Variants in CHST11 observed in about 807,000 individuals in gnomAD.
The protein encoded by CHST11 is carbohydrate sulfotransferase 11.
A neutral mutation model predicts 30.4 loss-of-function variants in CHST11; 9 were observed. The observed-to-expected ratio is 0.30, with a 90% CI of 0.18 to 0.52. The LOEUF is 0.52. Ranked by LOEUF, CHST11 falls within the 20% of genes least tolerant of loss-of-function variation. CHST11 has a pLI of 0.97. For missense variants in CHST11, 348 were observed against 460.6 expected (o/e 0.76, Z 2.24); for synonymous variants, 152 against 187.8 (o/e 0.81, Z 1.56).
At chr12:104,674,181 G>T (rs979077528) in intron 2 of CHST11, among the ~76,000 whole-genome samples, 7 of 152,190 alleles carry the variant, frequency 4.6e-5, no homozygotes, top group Admixed American at 1.3e-4. Context: ...TAGCTGTTCT[G>T]CTAGTAAAAG....
At chr12:104,538,973 C>T (rs1339825123) in intron 1 of CHST11, among the ~76,000 whole-genome samples, 3 of 152,230 alleles carry the variant, frequency 2.0e-5, no homozygotes, top group Non-Finnish European at 2.9e-5. Context: ...AAAGCAGTCA[C>T]ACTTATTATC....
chr12:104,719,557 A>G (rs943304786), intron 2 of CHST11, among the ~76,000 whole-genome samples: 5 of 152,248 alleles, frequency 3.3e-5, no homozygotes, highest in Non-Finnish European at 5.9e-5. Context: ...CAGACACAGC[A>G]TAACTATCTA....
At position 104,757,775 on chromosome 12, in the gene CHST11, C is replaced by T; in HGVS notation, c.1031C>T (p.Ser344Leu). The T allele has an allele frequency of 6.2e-7, 1 of 1,612,776 alleles. No homozygotes were observed. Among genetic ancestry groups the T allele is most frequent in the Non-Finnish European group, 8.5e-7 (1 of 1,178,844 alleles). The change falls in exon 3 of 3, where the codon TCA becomes TTA. Residue 344 changes from serine (S) to leucine (L), a missense_variant. Ser to Leu is a moderately radical substitution (Grantham distance 145). This residue lies in a region of CHST11 where 210 missense variants were observed against 287.2 expected (regional missense o/e 0.73). Coordinates refer to ENST00000303694, the MANE Select transcript of CHST11 (RefSeq NM_018413.6). This position sits in a 1 kb window ranked among gnomAD's most constrained non-coding sequence, Gnocchi z 6.5. ...YKLDFLMFNYSVPSYLKLE is the reference protein window; with the variant it reads ...YKLDFLMFNYLVPSYLKLE ...CTCGATTTTTTAATGTTCAATTACT[C>T]AGTGCCAAGCTACCTGAAATTGGAA...
intron 1 of CHST11, among the ~76,000 whole-genome samples, chr12:104,497,877 CCCTGCATGTGCTGAGTATCTT>C (rs2037815098): frequency 6.6e-6 from 1 of 150,874 alleles, no homozygotes; most frequent in Admixed American, 6.6e-5. Context: ...TCCCGCTCCA[CCCTGCATGTGCTGAGTATCTT>C]CCTGCCCCCT....
chr12:104,608,094 G>A (rs530319254), intron 2 of CHST11, among the ~76,000 whole-genome samples: 13 of 152,220 alleles, frequency 8.5e-5, no homozygotes, highest in African/African-American at 2.4e-4. Context: ...CTGGGTTAGG[G>A]CTGGGGTGTT....
intron 1 of CHST11, among the ~76,000 whole-genome samples, chr12:104,583,026 T>A (rs2038762449): frequency 6.6e-6 from 1 of 152,042 alleles, no homozygotes; most frequent in Non-Finnish European, 1.5e-5. Context: ...TTAATTTGCC[T>A]GCACAAATAG....
Position 104,757,979 on chromosome 12 carries a change from G to C in CHST11, c.*176G>C. ...GTAGGGAAGGACAGCTGTCTTTGCA[G>C]GGGAAATAGGATGGGTCGTCCTTGT... On this transcript the variant is annotated 3_prime_UTR_variant, in exon 3 of 3. Coordinates refer to ENST00000303694, the MANE Select transcript of CHST11 (RefSeq NM_018413.6). This position sits in a 1 kb window ranked among gnomAD's most constrained non-coding sequence, Gnocchi z 6.5. 1 of 687,226 alleles carries C rather than the reference G, an allele frequency of 1.5e-6. No homozygotes were observed. Among genetic ancestry groups the C allele is most frequent in the Non-Finnish European group, 2.3e-6 (1 of 427,012 alleles). 42.6% of individuals were successfully genotyped at this position (687,226 alleles called of 1,614,324 possible). A position where few individuals can be genotyped will look rare whatever the true frequency, so the allele number is the denominator to read the frequency against.
chr12:104,709,392 G>C (rs770134246), intron 2 of CHST11, among the ~76,000 whole-genome samples: 3 of 152,222 alleles, frequency 2.0e-5, no homozygotes, highest in African/African-American at 7.2e-5. Context: ...AAAGGCAGAC[G>C]TGGCCCTCAC....
At chr12:104,464,345 G>A (rs558864532) in intron 1 of CHST11, among the ~76,000 whole-genome samples, 2 of 152,250 alleles carry the variant, frequency 1.3e-5, no homozygotes, top group Admixed American at 6.5e-5. Context: ...TGGTAGAGGT[G>A]TGAGTCACTG....
At chr12:104,485,612 C>T (rs1449858294) in intron 1 of CHST11, among the ~76,000 whole-genome samples, 1 of 152,200 alleles carries the variant, frequency 6.6e-6, no homozygotes, top group African/African-American at 2.4e-5. Context: ...CAGAAACAAT[C>T]GGTTTAGACT....
chr12:104,514,709 A>G (rs1441683928), intron 1 of CHST11, among the ~76,000 whole-genome samples: 1 of 152,016 alleles, frequency 6.6e-6, no homozygotes, highest in African/African-American at 2.4e-5. Flanking sequence ...GAGGGGAGGA[A>G]GGTACCAGGC....
intron 2 of CHST11, among the ~76,000 whole-genome samples, chr12:104,634,212 A>G (rs898597981): frequency 2.0e-5 from 3 of 152,126 alleles, no homozygotes; most frequent in Non-Finnish European, 4.4e-5. Flanking sequence ...ACAGGGCCAT[A>G]TCTGTCTCGT....
intron 1 of CHST11, among the ~76,000 whole-genome samples, chr12:104,561,907 C>G (rs886067924): frequency 1.3e-5 from 2 of 151,790 alleles, no homozygotes; most frequent in African/African-American, 4.8e-5. Context: ...TCTCCTGCCT[C>G]AGCCTCCGGA....
chr12:104,722,326 T>C (rs1010899161), intron 2 of CHST11, among the ~76,000 whole-genome samples: 1 of 152,154 alleles, frequency 6.6e-6, no homozygotes. Context: ...TTTAACTTCA[T>C]CAGAGGTAAA....
intron 1 of CHST11, among the ~76,000 whole-genome samples, chr12:104,571,637 A>G (rs1396001248): frequency 1.3e-5 from 2 of 152,140 alleles, no homozygotes; most frequent in African/African-American, 4.8e-5. Context: ...CTGATGATGA[A>G]GTTTGTCTGA....
chr12:104,492,825 A>G (rs181849853), intron 1 of CHST11, among the ~76,000 whole-genome samples: 18 of 152,342 alleles, frequency 1.2e-4, no homozygotes, highest in Admixed American at 2.6e-4. Flanking sequence ...CGAGGTCAGC[A>G]GTTTGAGACC....
intron 2 of CHST11, among the ~76,000 whole-genome samples, chr12:104,664,908 C>G (rs955365286): frequency 6.6e-6 from 1 of 152,034 alleles, no homozygotes; most frequent in Non-Finnish European, 1.5e-5. Context: ...TTAAAGATAC[C>G]AAAATATATT....
chr12:104,686,641 T>G (rs1037874624), intron 2 of CHST11, among the ~76,000 whole-genome samples: 1 of 152,176 alleles, frequency 6.6e-6, no homozygotes, highest in Non-Finnish European at 1.5e-5. Flanking sequence ...TTTATTTTAT[T>G]TATTTGTTTT....
chr12:104,619,428 G>A (rs1389410313), intron 2 of CHST11, among the ~76,000 whole-genome samples: 1 of 152,072 alleles, frequency 6.6e-6, no homozygotes, highest in East Asian at 1.9e-4. Flanking sequence ...TCTTTTTTGA[G>A]CTCTTCCCTG....
Sources: gnomAD v4.1 joint callset for allele counts (sites outside exome capture counted in the v4.1 genomes callset) on GRCh38, gnomAD v4.1.1 for gene constraint, gnomAD v4.1.1 regional missense constraint, Gnocchi (gnomAD v3.1) non-coding constraint, MANE v1.5 for transcripts, NCBI Gene and HGNC (gene_info 2026-07-23, HGNC 2026-07-21) for gene names.